The following FBLN2 variants were observed in gnomAD, a reference collection of about 807,000 sequenced individuals.
FBLN2 encodes the protein fibulin 2, also known as fibulin-2.
Under a neutral mutation model 123.7 loss-of-function variants are expected in FBLN2, and 81 were observed. That is an observed-to-expected ratio of 0.65 (90% confidence interval 0.55 to 0.79). FBLN2 has a LOEUF of 0.79. Ranked by LOEUF, FBLN2 falls within the 30% of genes least tolerant of loss-of-function variation. The pLI is 0.00. For missense variants in FBLN2, 1,603 were observed against 1,681.3 expected (o/e 0.95, Z 0.81); for synonymous variants, 699 against 701.4 (o/e 1.00, Z 0.05).
At chr3:13,571,905 C>T (rs914217307) in intron 2 of FBLN2, among the ~76,000 whole-genome samples, 1 of 152,076 alleles carries the variant, frequency 6.6e-6, no homozygotes. Context: ...GTGCTGGGCC[C>T]CCTGGTAGGG....
rs752462795 is a variant in FBLN2 at position 13,609,600 on chromosome 3, T to C, written c.1506T>C (p.Cys502=). Residue 502 remains cysteine (C), a synonymous_variant, in exon 4 of 18, where the codon TGT becomes TGC. Coordinates refer to ENST00000404922, the MANE Select transcript of FBLN2 (RefSeq NM_001004019.2). ...GVLGAKEGET[C]GAEDNDSCGI... The stretch of plus-strand genomic sequence containing the variant: ...TGGGAGCCAAGGAGGGTGAGACCTG[T>C]GGGGCTGAGGACAACGACAGCTGCG... The C allele has an allele frequency of 5.9e-6, 8 of 1,344,562 alleles. No homozygotes were observed. Among genetic ancestry groups the C allele is most frequent in the Non-Finnish European group, 7.8e-6 (8 of 1,025,644 alleles). The allele number at this position is 1,344,562 out of a possible 1,614,324, so 83.3% of individuals were successfully genotyped here. A position where few individuals can be genotyped will look rare whatever the true frequency, so the allele number is the denominator to read the frequency against.
chr3:13,614,459 T>C (rs1051486069), intron 5 of FBLN2, among the ~76,000 whole-genome samples: 5 of 152,132 alleles, frequency 3.3e-5, no homozygotes, highest in South Asian at 2.1e-4. Context: ...TACCCACTTA[T>C]CAGTTTGCTC....
At chr3:13,583,971 T>C (rs3821605) in intron 2 of FBLN2, among the ~76,000 whole-genome samples, 31,312 of 152,200 alleles carry the variant, frequency 0.21, 3,857 homozygotes, top group East Asian at 0.35. Context: ...TGTGGCCAGC[T>C]GGCCTTTAGA....
intron 4 of FBLN2, among the ~76,000 whole-genome samples, chr3:13,612,921 G>GA (rs764399445): frequency 9.2e-5 from 14 of 152,194 alleles, no homozygotes; most frequent in Non-Finnish European, 1.5e-4. Flanking sequence ...ATGAATTTGT[G>GA]GTCAGCTGAG....
At chr3:13,582,660 G>A (rs1045284776) in intron 2 of FBLN2, among the ~76,000 whole-genome samples, 4 of 152,194 alleles carry the variant, frequency 2.6e-5, no homozygotes, top group Admixed American at 6.5e-5. Context: ...TCAGGCAAGC[G>A]ACTCACCCTC....
chr3:13,616,211 G>A (rs1470299112), intron 5 of FBLN2, among the ~76,000 whole-genome samples: 1 of 152,202 alleles, frequency 6.6e-6, no homozygotes, highest in Non-Finnish European at 1.5e-5. Flanking sequence ...AAGGGGAATG[G>A]TTGAGTACTG....
intron 2 of FBLN2, among the ~76,000 whole-genome samples, chr3:13,581,760 C>T (rs1368055415): frequency 1.3e-5 from 2 of 152,210 alleles, no homozygotes; most frequent in Non-Finnish European, 2.9e-5. Flanking sequence ...CTTCACGTGC[C>T]TCCTCTCATT....
In FBLN2 at chr3:13,549,150, T is replaced by A; in HGVS notation, c.-100T>A. ...GCACACAGCCAGGGGCCGCCCGGGC[T>A]CTCGACGCGCCGACGGCCGGGCGGA... is the stretch of plus-strand genomic sequence containing the variant. On this transcript the variant is annotated 5_prime_UTR_variant, in exon 1 of 18. Transcript: ENST00000404922. 7 of 982,086 alleles carry A rather than the reference T, an allele frequency of 7.1e-6. No homozygotes were observed. In the South Asian group the frequency reaches 2.8e-4, roughly 40 times the overall value. 60.8% of individuals were successfully genotyped at this position (982,086 alleles called of 1,614,324 possible). A position where few individuals can be genotyped will look rare whatever the true frequency, so the allele number is the denominator to read the frequency against.
At chr3:13,630,915 T>C in intron 15 of FBLN2, 100 bp downstream of exon 15, 1 of 910,002 alleles carries the variant, frequency 1.1e-6, no homozygotes, top group Admixed American at 2.3e-5. Context: ...CACAGAAAGG[T>C]TTTAGCATCA....
At chr3:13,567,115 G>C (rs916669929) in intron 1 of FBLN2, among the ~76,000 whole-genome samples, 2 of 152,172 alleles carry the variant, frequency 1.3e-5, no homozygotes, top group African/African-American at 2.4e-5. Flanking sequence ...GATGCTGGGG[G>C]CCTGGGGGGC....
chr3:13,627,172 G>A lies in FBLN2; in HGVS notation c.2431+593G>A, dbSNP rs144634809. Among the ~76,000 whole-genome samples, 452 of 152,150 alleles carry A rather than the reference G, an allele frequency of 3.0e-3. 2 individuals are homozygous for A. Among genetic ancestry groups the A allele is most frequent in the Admixed American group, 7.7e-3 (117 of 15,294 alleles). Reference sequence around the variant, plus strand: ...GGTGGGTTCAAGGAGGCCCCTGGAGGAGGTGACGTTGGAGTTGAGACCTGA... The same window carrying A: ...GGTGGGTTCAAGGAGGCCCCTGGAGAAGGTGACGTTGGAGTTGAGACCTGA... On this transcript the variant is annotated intron_variant, in intron 10 of 17. Transcript: ENST00000404922.
At chr3:13,634,847 C>T (rs1220279479) in intron 16 of FBLN2, among the ~76,000 whole-genome samples, 2 of 152,248 alleles carry the variant, frequency 1.3e-5, no homozygotes, top group African/African-American at 2.4e-5. Context: ...ACCCTGGGCA[C>T]ATTTGTGGAC....
chr3:13,625,383 C>A (rs1314099114), intron 9 of FBLN2, among the ~76,000 whole-genome samples: 1 of 152,174 alleles, frequency 6.6e-6, no homozygotes, highest in Non-Finnish European at 1.5e-5. Flanking sequence ...GGAGCTGGTC[C>A]TTGGCCTCCT....
chr3:13,606,954 A>G (rs980156474), intron 2 of FBLN2, among the ~76,000 whole-genome samples: 5 of 149,212 alleles, frequency 3.4e-5, no homozygotes, highest in Non-Finnish European at 5.9e-5. Context: ...TGCCCGGCTG[A>G]CTATATTCTG....
At chr3:13,594,074 G>A (rs900515171) in intron 2 of FBLN2, among the ~76,000 whole-genome samples, 2 of 152,120 alleles carry the variant, frequency 1.3e-5, no homozygotes, top group Non-Finnish European at 2.9e-5. Context: ...GTTCTTTTCT[G>A]TGGTTGTCTC....
chr3:13,590,509 A>G (rs998411940), intron 2 of FBLN2, among the ~76,000 whole-genome samples: 1 of 152,016 alleles, frequency 6.6e-6, no homozygotes, highest in African/African-American at 2.4e-5. Context: ...TATTTTTAGT[A>G]GAGACGGGGT....
intron 1 of FBLN2, among the ~76,000 whole-genome samples, chr3:13,553,137 GC>G (rs1703370317): frequency 6.6e-6 from 1 of 152,170 alleles, no homozygotes; most frequent in South Asian, 2.1e-4. Flanking sequence ...CAGAGTGGGG[GC>G]TTGGAGGAAG....
At chr3:13,617,372 A>C (rs1160797924) in intron 5 of FBLN2, among the ~76,000 whole-genome samples, 1 of 151,304 alleles carries the variant, frequency 6.6e-6, no homozygotes, top group African/African-American at 2.4e-5. Flanking sequence ...CCATTCACTC[A>C]TCCACCCATC....
At chr3:13,572,484 C>G (rs1240629551) in intron 2 of FBLN2, among the ~76,000 whole-genome samples, 4 of 152,380 alleles carry the variant, frequency 2.6e-5, no homozygotes, top group South Asian at 2.1e-4. Flanking sequence ...CTGGAGCCTG[C>G]ACTCCTGACC....
Sources: gnomAD v4.1 joint callset for allele counts (sites outside exome capture counted in the v4.1 genomes callset) on GRCh38, gnomAD v4.1.1 for gene constraint, MANE v1.5 for transcripts, NCBI Gene and HGNC (gene_info 2026-07-23, HGNC 2026-07-21) for gene names.